The following EDIL3 variants were observed in gnomAD, a reference collection of about 807,000 sequenced individuals.
The protein encoded by EDIL3 is EGF like and discoidin domains 3.
In EDIL3, 37 loss-of-function variants were observed where a neutral mutation model predicts 67.4. The ratio of observed to expected loss-of-function variants is 0.55; its 90% confidence interval spans 0.42 to 0.72. The LOEUF is 0.72. Ranked by LOEUF, EDIL3 falls within the 30% of genes least tolerant of loss-of-function variation. The pLI is 0.00. For synonymous variants in EDIL3, 195 were observed against 196.3 expected, an observed-to-expected ratio of 0.99 and a Z score of 0.05; for missense variants, 527 against 586.3, an observed-to-expected ratio of 0.90 and a Z score of 1.04.
chr5:84,053,644 G>A (rs902710071), intron 9 of EDIL3, among the ~76,000 whole-genome samples: 2 of 152,284 alleles, frequency 1.3e-5, no homozygotes, highest in African/African-American at 4.8e-5. Flanking sequence ...TGATCCCACA[G>A]AAATACAAAC....
intron 10 of EDIL3, among the ~76,000 whole-genome samples, chr5:83,948,179 G>T (rs1206929635): frequency 2.0e-5 from 3 of 151,698 alleles, no homozygotes; most frequent in Non-Finnish European, 2.9e-5. Context: ...TCCTCAGTGA[G>T]GGTTTTCCAA....
At chr5:83,997,332 T>C (rs537783637) in intron 9 of EDIL3, among the ~76,000 whole-genome samples, 25 of 152,236 alleles carry the variant, frequency 1.6e-4, no homozygotes, top group African/African-American at 5.8e-4. Context: ...AACTAGATAG[T>C]GGCAATGAGG....
chr5:83,992,999 G>A (rs949596135), intron 9 of EDIL3, among the ~76,000 whole-genome samples: 1 of 151,958 alleles, frequency 6.6e-6, no homozygotes, highest in Non-Finnish European at 1.5e-5. Flanking sequence ...AAGTACCTGC[G>A]GAAGTACAAG....
chr5:83,967,841 A>G (rs1744724726), intron 9 of EDIL3, among the ~76,000 whole-genome samples: 1 of 152,130 alleles, frequency 6.6e-6, no homozygotes, highest in Admixed American at 6.6e-5. Flanking sequence ...AGAAATGTGA[A>G]CACAGGCCAG....
chr5:83,993,003 G>A (rs1319552612), intron 9 of EDIL3, among the ~76,000 whole-genome samples: 1 of 152,052 alleles, frequency 6.6e-6, no homozygotes, highest in African/African-American at 2.4e-5. Context: ...ACCTGCGGAA[G>A]TACAAGTTGC....
intron 1 of EDIL3, among the ~76,000 whole-genome samples, chr5:84,265,268 G>A (rs897713212): frequency 9.2e-5 from 14 of 152,190 alleles, no homozygotes; most frequent in African/African-American, 3.1e-4. Context: ...TTTTACTGTT[G>A]AGAATTTATA....
chr5:83,972,614 T>C (rs1744812778), intron 9 of EDIL3, among the ~76,000 whole-genome samples: 1 of 152,136 alleles, frequency 6.6e-6, no homozygotes, highest in Admixed American at 6.6e-5. Flanking sequence ...TTTCCAAATA[T>C]AGTTGTCAGC....
At chr5:84,314,062 G>T (rs1238878599) in intron 1 of EDIL3, among the ~76,000 whole-genome samples, 1 of 152,244 alleles carries the variant, frequency 6.6e-6, no homozygotes, top group South Asian at 2.1e-4. Flanking sequence ...CAGGTGGGGT[G>T]GCACCTGCCT....
intron 1 of EDIL3, among the ~76,000 whole-genome samples, chr5:84,285,215 A>T (rs995009129): frequency 6.6e-6 from 1 of 152,230 alleles, no homozygotes; most frequent in African/African-American, 2.4e-5. Flanking sequence ...ATATTCATTG[A>T]TTCTAAGGAA....
chr5:84,296,080 C>T (rs945912486), intron 1 of EDIL3, among the ~76,000 whole-genome samples: 1 of 152,150 alleles, frequency 6.6e-6, no homozygotes, highest in Non-Finnish European at 1.5e-5. Context: ...TTGTATACTA[C>T]ACAAAAGCAA....
intron 1 of EDIL3, among the ~76,000 whole-genome samples, chr5:84,378,156 T>C (rs1748005390): frequency 6.6e-6 from 1 of 152,204 alleles, no homozygotes; most frequent in South Asian, 2.1e-4. Flanking sequence ...GGAAAAGTCT[T>C]AAATAAGTAC....
intron 6 of EDIL3, among the ~76,000 whole-genome samples, chr5:84,086,015 C>T (rs1023570072): frequency 6.6e-6 from 1 of 152,182 alleles, no homozygotes; most frequent in African/African-American, 2.4e-5. Flanking sequence ...CTTCACCAAG[C>T]TCATCAACCC....
intron 1 of EDIL3, among the ~76,000 whole-genome samples, chr5:84,261,041 C>T (rs929334650): frequency 1.3e-5 from 2 of 152,164 alleles, no homozygotes; most frequent in African/African-American, 4.8e-5. Flanking sequence ...CAATCTATTG[C>T]TTTCTTGTTG....
intron 1 of EDIL3, among the ~76,000 whole-genome samples, chr5:84,316,560 C>G (rs948183585): frequency 6.6e-6 from 1 of 152,152 alleles, no homozygotes; most frequent in Non-Finnish European, 1.5e-5. Flanking sequence ...GAAGAGCTAA[C>G]TATCCTAAAT....
chr5:84,124,456 C>CT lies in EDIL3; in HGVS notation c.469+12784dup, dbSNP rs560603483. On this transcript the variant is annotated intron_variant, in intron 5 of 10. Transcript: ENST00000296591. Reference sequence around the variant, plus strand: ...CATGTTTAAGAAAATTTTAATGGACCTTTTGTTCAAAACAGGTGAAATGTC... The same window carrying CT: ...CATGTTTAAGAAAATTTTAATGGACCTTTTTGTTCAAAACAGGTGAAATGTC... Among the ~76,000 whole-genome samples the CT allele has an allele frequency of 1.5e-4, 23 of 150,034 alleles. No individual in the cohort carries two copies. The East Asian group carries it at 4.4e-3, about 28-fold the overall frequency.
intron 9 of EDIL3, among the ~76,000 whole-genome samples, chr5:84,020,556 T>G (rs1012425699): frequency 6.6e-6 from 1 of 151,942 alleles, no homozygotes; most frequent in African/African-American, 2.4e-5. Flanking sequence ...TAATTTTTAC[T>G]AGATTAAAGT....
intron 9 of EDIL3, among the ~76,000 whole-genome samples, chr5:84,058,240 C>CA (rs1746482800): frequency 6.6e-6 from 1 of 151,768 alleles, no homozygotes; most frequent in African/African-American, 2.4e-5. Context: ...CCAAATCATG[C>CA]AAAAAACTCT....
At position 84,325,913 on chromosome 5, in the gene EDIL3, T is replaced by C. The variant is rs1041490891; in HGVS notation, c.67+58395A>G. Among the ~76,000 whole-genome samples, 18 of 152,152 alleles carry C rather than the reference T, an allele frequency of 1.2e-4. 1 individual carries two copies. The highest frequency in any genetic ancestry group is 2.1e-4 in the South Asian group (1 of 4,836). ...AAAATAGGTTACTGTATGATTCCAC[T>C]TAGATGATGCTATGGTTTGAATGTG... On this transcript the variant is annotated intron_variant, in intron 1 of 10. Transcript: ENST00000296591.
intron 6 of EDIL3, among the ~76,000 whole-genome samples, chr5:84,072,795 CA>C (rs934526500): frequency 4.3e-4 from 65 of 151,452 alleles, no homozygotes; most frequent in Admixed American, 3.5e-3. Flanking sequence ...AACATAAGAA[CA>C]AGAATGAAGG....
Sources: gnomAD v4.1 joint callset for allele counts (sites outside exome capture counted in the v4.1 genomes callset) on GRCh38, gnomAD v4.1.1 for gene constraint, MANE v1.5 for transcripts, NCBI Gene and HGNC (gene_info 2026-07-23, HGNC 2026-07-21) for gene names.